Variants in KAT7 observed in about 807,000 individuals in gnomAD.
KAT7 encodes the protein histone acetyltransferase KAT7.
Under a neutral mutation model 82.1 loss-of-function variants are expected in KAT7, and 10 were observed. That is an observed-to-expected ratio of 0.12 (90% CI 0.08 to 0.21). KAT7 has a LOEUF of 0.21. KAT7 is among the 10% of genes least tolerant of loss of function. The probability of loss-of-function intolerance (pLI) is 1.00; values close to 1 mark genes in which losing one functional copy is unlikely to be tolerated. For missense variants in KAT7, 378 were observed against 760.9 expected, an observed-to-expected ratio of 0.50 and a Z score of 5.92; for synonymous variants, 250 against 262.5, an observed-to-expected ratio of 0.95 and a Z score of 0.46.
At chr17:49,821,555 G>A in intron 10 of KAT7, 95 bp from the exon 11 acceptor site, 1 of 1,528,850 alleles carries the variant, frequency 6.5e-7, no homozygotes, top group Non-Finnish European at 9.0e-7. Flanking sequence ...TACACAATGT[G>A]TTTCATTAAT....
In KAT7 at chr17:49,796,869, C is replaced by G; in HGVS notation, c.283C>G (p.Arg95Gly). The change falls in exon 3 of 15, where the codon CGG becomes GGG. Residue 95 changes from arginine (R) to glycine (G), a missense_variant. Transcript: ENST00000259021. The stretch of plus-strand genomic sequence containing the variant: ...AGTGACACCGAAAAAATACCCTCTT[C>G]GGCAGACTCGTTCATCTGGTTCAGA... The part of the protein sequence containing the change: ...TPVTPKKYPL[R>G]QTRSSGSETE... 1 of 1,614,156 alleles carries G rather than the reference C, an allele frequency of 6.2e-7. No individual in the cohort carries two copies. The highest frequency in any genetic ancestry group is 8.5e-7 in the Non-Finnish European group (1 of 1,180,022).
intron 1 of KAT7, among the ~76,000 whole-genome samples, chr17:49,791,277 C>T (rs968636388): frequency 6.6e-6 from 1 of 152,190 alleles, no homozygotes; most frequent in Non-Finnish European, 1.5e-5. Context: ...CCAGCACCAA[C>T]GATTTTCTCA....
At chr17:49,800,106 G>A (rs1352701381) in intron 4 of KAT7, among the ~76,000 whole-genome samples, 1 of 147,874 alleles carries the variant, frequency 6.8e-6, no homozygotes, top group Non-Finnish European at 1.5e-5. Flanking sequence ...CCGCCTCCCG[G>A]GTTCACACCA....
chr17:49,821,369 T>C lies in KAT7; in HGVS notation c.1188T>C (p.Asp396=). The C allele has an allele frequency of 6.2e-7, 1 of 1,613,662 alleles. No individual in the cohort carries two copies. The highest frequency in any genetic ancestry group is 1.3e-5 in the African/African-American group (1 of 75,028). ...GTGTGTGGAAACACCCACCTGGTGATGAGATATATCGCAAAGGTTCAATCT... is the reference window on the plus strand; with the variant it reads ...GTGTGTGGAAACACCCACCTGGTGACGAGATATATCGCAAAGGTTCAATCT... ...AKCVWKHPPG[D]EIYRKGSISV... The change falls in exon 10 of 15, where the codon GAT becomes GAC. Residue 396 remains aspartate, a synonymous_variant. Transcript: ENST00000259021.
intron 8 of KAT7, among the ~76,000 whole-genome samples, chr17:49,816,902 T>G (rs2074241762): frequency 6.6e-6 from 1 of 151,928 alleles, no homozygotes; most frequent in South Asian, 2.1e-4. Context: ...GCCTCGACCT[T>G]CAGTGCTCAA....
intron 5 of KAT7, among the ~76,000 whole-genome samples, chr17:49,806,942 A>G (rs2074098851): frequency 6.6e-6 from 1 of 152,204 alleles, no homozygotes; most frequent in Admixed American, 6.5e-5. Flanking sequence ...TTACATTTAG[A>G]ACCCTAAGTG....
At chr17:49,810,726 A>G (rs539710405) in intron 6 of KAT7, among the ~76,000 whole-genome samples, 2 of 152,344 alleles carry the variant, frequency 1.3e-5, no homozygotes, top group African/African-American at 4.8e-5. Context: ...GGAGACGTCT[A>G]TCCTTAGTTT....
chr17:49,819,544 A>G (rs1323046214), intron 9 of KAT7, among the ~76,000 whole-genome samples: 1 of 152,238 alleles, frequency 6.6e-6, no homozygotes, highest in Non-Finnish European at 1.5e-5. Context: ...TGAAATAGCC[A>G]AAAGGGCAAG....
chr17:49,827,411 A>G lies in KAT7; in HGVS notation c.1745A>G (p.Asp582Gly). The G allele has an allele frequency of 6.2e-7, 1 of 1,608,340 alleles. No homozygotes were observed. Among genetic ancestry groups the G allele is most frequent in the Non-Finnish European group, 8.5e-7 (1 of 1,174,746 alleles). ...HLVLKRQDLI[D>G]EWIAKEAKRS... ...ATTGTTCTCCCTCAGGACCTGATTG[A>G]TGAGTGGATAGCCAAAGAGGCCAAA... is the stretch of plus-strand genomic sequence containing the variant. Residue 582 changes from aspartate (D) to glycine (G), a missense_variant, in exon 15 of 15, where the codon GAT becomes GGT. By Grantham distance (94) the Asp-to-Gly change is moderately conservative. This residue lies in a region of KAT7 where 44 missense variants were observed against 102.2 expected (regional missense o/e 0.43). Coordinates refer to ENST00000259021, the MANE Select transcript of KAT7 (RefSeq NM_007067.5).
rs368177767 is a variant in KAT7 at position 49,815,784 on chromosome 17, G to T, written c.853-19G>T. 2 of 1,417,444 alleles carry T rather than the reference G, an allele frequency of 1.4e-6. No individual in the cohort carries two copies. The highest frequency in any genetic ancestry group is 2.3e-5 in the East Asian group (1 of 43,998). The allele number at this position is 1,417,444 out of a possible 1,614,324, so 87.8% of individuals were successfully genotyped here. ...GAAGCAGAGAGTATCAGAGTATCAC[G>T]CTCTGGTTATTTTCCTAGGAACACA... On this transcript the variant is annotated intron_variant, in intron 7 of 14. Coordinates refer to ENST00000259021, the MANE Select transcript of KAT7 (RefSeq NM_007067.5).
intron 10 of KAT7, 56 bp from the exon 11 acceptor site, chr17:49,821,594 C>A: frequency 6.3e-7 from 1 of 1,599,704 alleles, no homozygotes; most frequent in Non-Finnish European, 8.5e-7. Context: ...AATTTTAGGC[C>A]TTTATCTGTT....
chr17:49,822,565 A>G (rs938481337), intron 11 of KAT7, among the ~76,000 whole-genome samples: 1 of 152,152 alleles, frequency 6.6e-6, no homozygotes, highest in Non-Finnish European at 1.5e-5. Flanking sequence ...TAGTATAACA[A>G]CTTTATTGAA....
chr17:49,810,950 G>C (rs558992085), intron 6 of KAT7, among the ~76,000 whole-genome samples: 3 of 152,008 alleles, frequency 2.0e-5, no homozygotes, highest in African/African-American at 4.8e-5. Context: ...AGTGAGCCGC[G>C]ATCGTGCCGC....
chr17:49,794,240 C>T (rs2073925665), intron 2 of KAT7, among the ~76,000 whole-genome samples: 3 of 152,074 alleles, frequency 2.0e-5, no homozygotes, highest in African/African-American at 7.2e-5. Context: ...TACATAAGCC[C>T]AGAGGTGGGA....
intron 9 of KAT7, among the ~76,000 whole-genome samples, chr17:49,818,764 A>C (rs1033460249): frequency 1.3e-5 from 2 of 148,644 alleles, no homozygotes; most frequent in African/African-American, 5.0e-5. Flanking sequence ...TTTGAGAGGG[A>C]GTCTTGCTCT....
intron 7 of KAT7, among the ~76,000 whole-genome samples, chr17:49,813,257 T>TA (rs1480695830): frequency 6.6e-6 from 1 of 152,132 alleles, no homozygotes; most frequent in Non-Finnish European, 1.5e-5. Context: ...CTCCCACTTA[T>TA]AAGTGAGAAC....
chr17:49,804,652 A>G (rs904921087), intron 4 of KAT7, among the ~76,000 whole-genome samples: 5 of 152,200 alleles, frequency 3.3e-5, no homozygotes, highest in African/African-American at 9.7e-5. Context: ...GTGAGCCTGT[A>G]GTCCCAGCTA....
chr17:49,812,044 A>G (rs2074172334), intron 7 of KAT7, among the ~76,000 whole-genome samples: 1 of 152,176 alleles, frequency 6.6e-6, no homozygotes, highest in Non-Finnish European at 1.5e-5. Flanking sequence ...CTAACTTTAG[A>G]AGTAATGTAC....
At chr17:49,800,922 C>T (rs1334564298) in intron 4 of KAT7, among the ~76,000 whole-genome samples, 3 of 152,042 alleles carry the variant, frequency 2.0e-5, no homozygotes, top group Admixed American at 1.3e-4. Flanking sequence ...CACATTTGAG[C>T]GGAGACTTGC....
Sources: gnomAD v4.1 joint callset for allele counts (sites outside exome capture counted in the v4.1 genomes callset) on GRCh38, gnomAD v4.1.1 for gene constraint, gnomAD v4.1.1 regional missense constraint, MANE v1.5 for transcripts, NCBI Gene and HGNC (gene_info 2026-07-23, HGNC 2026-07-21) for gene names.